The following TANC2 variants were observed in gnomAD, a reference collection of about 807,000 sequenced individuals.
The protein encoded by TANC2 is tetratricopeptide repeat, ankyrin repeat and coiled-coil containing 2, also known as protein TANC2.
In TANC2, 26 loss-of-function variants were observed where a neutral mutation model predicts 210.5. The observed-to-expected ratio is 0.12, with a 90% confidence interval of 0.09 to 0.17. TANC2 has a LOEUF of 0.17. Among genes scored for constraint, TANC2 ranks in the 10% least tolerant of loss-of-function variants. TANC2 has a pLI of 1.00. For synonymous variants in TANC2, 931 were observed against 967.1 expected (o/e 0.96, Z 0.69); for missense variants, 2,129 against 2,608.9 (o/e 0.82, Z 4.01).
chr17:63,200,098 G>A (rs2041475988), intron 6 of TANC2, among the ~76,000 whole-genome samples: 1 of 151,780 alleles, frequency 6.6e-6, no homozygotes, highest in African/African-American at 2.4e-5. Context: ...GCTCATGCCT[G>A]TAATCCCAGC....
intron 14 of TANC2, among the ~76,000 whole-genome samples, chr17:63,358,419 G>A (rs1416569377): frequency 1.3e-5 from 2 of 149,962 alleles, no homozygotes; most frequent in African/African-American, 5.0e-5. Flanking sequence ...GTGTATGTGT[G>A]TGTGTATCAA....
At chr17:63,185,357 TG>T (rs1179603106) in intron 5 of TANC2, among the ~76,000 whole-genome samples, 2 of 152,136 alleles carry the variant, frequency 1.3e-5, no homozygotes, top group Admixed American at 1.3e-4. Flanking sequence ...CCTCCCAAAG[TG>T]CTGGAATTAC....
Position 63,253,805 on chromosome 17 carries a change from T to TTTG in TANC2, c.1034-13925_1034-13923dup, listed in dbSNP as rs573229154. Among the ~76,000 whole-genome samples the TTTG allele has an allele frequency of 3.7e-3, 565 of 150,762 alleles. 1 individual carries two copies. Among genetic ancestry groups the TTTG allele is most frequent in the East Asian group, 0.024 (122 of 5,152 alleles). ...CCAACTAATTTTTGGTTTGAGGGTT[T>TTTG]TTGTTGTTGTTGTTGTTGTTTTTGG... On this transcript the variant is annotated intron_variant, in intron 8 of 27. Coordinates refer to ENST00000689528, the Ensembl canonical transcript of TANC2.
chr17:63,118,843 G>T (rs923423544), intron 4 of TANC2, among the ~76,000 whole-genome samples: 2 of 149,258 alleles, frequency 1.3e-5, no homozygotes, highest in Non-Finnish European at 3.0e-5. Flanking sequence ...GTAGTGGTGC[G>T]AACTCAGCTC....
At chr17:63,088,375 C>T (rs2037054676) in intron 3 of TANC2, 1 of 152,172 alleles carries the variant, frequency 6.6e-6, no homozygotes, top group South Asian at 2.1e-4. Context: ...GGTTGAATAA[C>T]TTCTGAAAAC....
chr17:63,002,191 A>T (rs2033416945), intron 1 of TANC2, among the ~76,000 whole-genome samples: 1 of 152,176 alleles, frequency 6.6e-6, no homozygotes, highest in Non-Finnish European at 1.5e-5. Context: ...TATCTCAATG[A>T]TTAATAATTA....
At chr17:63,329,745 G>A (rs2045773147) in intron 11 of TANC2, among the ~76,000 whole-genome samples, 1 of 152,112 alleles carries the variant, frequency 6.6e-6, no homozygotes, top group East Asian at 1.9e-4. Flanking sequence ...TGACTCTACT[G>A]ACCAGCCATT....
chr17:63,221,055 A>T (rs546727470), intron 7 of TANC2, among the ~76,000 whole-genome samples: 1 of 152,098 alleles, frequency 6.6e-6, no homozygotes. Flanking sequence ...AAAAATTTTT[A>T]AAATTGAACA....
chr17:63,308,315 A>C (rs765658849), intron 9 of TANC2, among the ~76,000 whole-genome samples: 3 of 152,130 alleles, frequency 2.0e-5, no homozygotes, highest in African/African-American at 7.2e-5. Flanking sequence ...CAGGTCCTAC[A>C]TATTTCTTCA....
intron 3 of TANC2, among the ~76,000 whole-genome samples, chr17:63,093,371 A>G (rs914578957): frequency 6.6e-6 from 1 of 152,128 alleles, no homozygotes; most frequent in African/African-American, 2.4e-5. Context: ...TGTTGAAAAT[A>G]TCCTTTCTAC....
intron 1 of TANC2, among the ~76,000 whole-genome samples, chr17:62,982,493 G>A (rs965177123): frequency 1.3e-5 from 2 of 151,872 alleles, no homozygotes; most frequent in Admixed American, 6.6e-5. Context: ...CAATGAATTT[G>A]TCTTCCAATT....
At chr17:63,264,210 T>G (rs2043454285) in intron 8 of TANC2, among the ~76,000 whole-genome samples, 1 of 152,162 alleles carries the variant, frequency 6.6e-6, no homozygotes, top group South Asian at 2.1e-4. Flanking sequence ...TAATATACCA[T>G]TAGTTAAAGC....
intron 7 of TANC2, among the ~76,000 whole-genome samples, chr17:63,206,703 G>A (rs554421926): frequency 3.9e-5 from 6 of 152,214 alleles, no homozygotes; most frequent in African/African-American, 9.6e-5. Flanking sequence ...GGGCTGCAGC[G>A]GCGTGGGGAG....
At chr17:63,342,128 A>G (rs2046248886) in intron 12 of TANC2, among the ~76,000 whole-genome samples, 1 of 152,178 alleles carries the variant, frequency 6.6e-6, no homozygotes, top group Non-Finnish European at 1.5e-5. Context: ...CCCTCCAGTC[A>G]GAAATGATGT....
chr17:63,222,886 T>A (rs1161656650), intron 7 of TANC2, among the ~76,000 whole-genome samples: 5 of 152,112 alleles, frequency 3.3e-5, no homozygotes, highest in African/African-American at 1.2e-4. Flanking sequence ...ACAATCCAAA[T>A]GCCCACCCAC....
At chr17:63,355,069 C>T in exon 14 of TANC2, 1 of 1,613,866 alleles carries the variant, frequency 6.2e-7, no homozygotes, top group Non-Finnish European at 8.5e-7. Flanking sequence ...AAAGTAGTTC[C>T]TGTTTCGCTC....
At chr17:63,093,029 G>A (rs1040870456) in intron 3 of TANC2, among the ~76,000 whole-genome samples, 12 of 151,916 alleles carry the variant, frequency 7.9e-5, no homozygotes, top group African/African-American at 1.5e-4. Flanking sequence ...TCTTTCAATC[G>A]GTACTGCTTT....
chr17:63,010,715 T>G (rs1318376150), intron 2 of TANC2, among the ~76,000 whole-genome samples: 4 of 152,172 alleles, frequency 2.6e-5, no homozygotes, highest in Admixed American at 6.5e-5. Context: ...TCAGGTTCTA[T>G]CATTTGTTAG....
rs527885357 is a variant in TANC2, at chr17:62,966,822, T to A, written c.-24+73T>A. 6.6e-6 allele frequency: 1 copy of A among 151,754 alleles called. No homozygotes were observed. Among genetic ancestry groups the A allele is most frequent in the Non-Finnish European group, 1.5e-5 (1 of 67,938 alleles). The allele number at this position is 151,754 out of a possible 1,614,324, so 9.4% of individuals were successfully genotyped here. On this transcript the variant is annotated intron_variant, in intron 1 of 27. Coordinates refer to ENST00000689528, the Ensembl canonical transcript of TANC2. This position sits in a 1 kb window ranked among gnomAD's most constrained non-coding sequence, Gnocchi z 5.1. The stretch of plus-strand genomic sequence containing the variant: ...GGTCGTTCGCCTCCACAGCCTCGGC[T>A]CCGGGGAGAGGGGCGGGGGCGAGCG...
Sources: gnomAD v4.1 joint callset for allele counts (sites outside exome capture counted in the v4.1 genomes callset) on GRCh38, gnomAD v4.1.1 for gene constraint, Gnocchi (gnomAD v3.1) non-coding constraint, MANE v1.5 for transcripts, NCBI Gene and HGNC (gene_info 2026-07-23, HGNC 2026-07-21) for gene names.